Variants in HIP1 observed in about 807,000 individuals in gnomAD.
The protein encoded by HIP1 is huntingtin interacting protein 1.
HIP1 carries 65 observed loss-of-function variants against 147.6 expected under a neutral mutation model. That is an observed-to-expected ratio of 0.44 (90% CI 0.36 to 0.54). The LOEUF (loss-of-function observed/expected upper bound fraction) is 0.54, where lower values mean the gene tolerates loss of function less well. Ranked by LOEUF, HIP1 falls within the 20% of genes least tolerant of loss-of-function variation. The pLI is 0.00. For synonymous variants in HIP1, 479 were observed against 504.0 expected (o/e 0.95, Z 0.67); for missense variants, 1,061 against 1,299.6 (o/e 0.82, Z 2.82).
intron 1 of HIP1, among the ~76,000 whole-genome samples, chr7:75,673,350 C>G (rs2705829): frequency 0.56 from 85,247 of 151,164 alleles, 24,456 homozygotes; most frequent in African/African-American, 0.66. Flanking sequence ...GACTGTTTTG[C>G]TTATTTGGGA....
chr7:75,555,913 A>G (rs587700144), intron 18 of HIP1, 113 bp downstream of exon 18: 1 of 1,314,692 alleles, frequency 7.6e-7, no homozygotes, highest in African/African-American at 1.5e-5. Context: ...CAATCAGGCC[A>G]AGGCCCCAAA....
chr7:75,599,196 T>C lies in HIP1; in HGVS notation c.172A>G (p.Lys58Glu). 1 of 1,613,070 alleles carries C rather than the reference T, an allele frequency of 6.2e-7. No homozygotes were observed. The highest frequency in any genetic ancestry group is 1.1e-5 in the South Asian group (1 of 91,062). ...TCCAAAAGGATATTTCTGGCGTGTT[T>C]TTCCTTTACAGCCACTTCCTGCGTA... ...INTQEVAVKE[K>E]HARTCILGTH... Residue 58 changes from lysine (K) to glutamate (E), a missense_variant, in exon 2 of 31, where the codon AAA (lysine) becomes GAA (glutamate). Lys to Glu is a moderately conservative substitution (Grantham distance 56). Coordinates refer to ENST00000336926, the MANE Select transcript of HIP1 (RefSeq NM_005338.7).
At chr7:75,560,942 T>C (rs1022854406) in intron 13 of HIP1, among the ~76,000 whole-genome samples, 1 of 142,434 alleles carries the variant, frequency 7.0e-6, no homozygotes, top group Non-Finnish European at 1.5e-5. Context: ...AAAAACTGTC[T>C]AGGTGATGCA....
chr7:75,702,375 T>A (rs1395479620), intron 1 of HIP1, among the ~76,000 whole-genome samples: 1 of 152,144 alleles, frequency 6.6e-6, no homozygotes, highest in African/African-American at 2.4e-5. Context: ...CCCAAATTGC[T>A]GGGATTACAG....
chr7:75,553,461 T>A lies in HIP1; in HGVS notation c.2287A>T (p.Ile763Phe). 2 of 1,614,070 alleles carry A rather than the reference T, an allele frequency of 1.2e-6. No homozygotes were observed. Among genetic ancestry groups the A allele is most frequent in the Non-Finnish European group, 1.7e-6 (2 of 1,180,000 alleles). ...GATACTACTCCAAGTACCTCGCCGA[T>A]GGCCTTGATCTTGCTCAGGCAGTTC... ...MRNCLSKIKA[I>F]GEELLPRGLD... The change falls in exon 22 of 31, where the codon ATC becomes TTC. Residue 763 changes from isoleucine (I) to phenylalanine (F), a missense_variant. By Grantham distance (21) the Ile-to-Phe change is conservative. Coordinates refer to ENST00000336926, the MANE Select transcript of HIP1 (RefSeq NM_005338.7).
intron 1 of HIP1, among the ~76,000 whole-genome samples, chr7:75,700,866 C>A (rs2240137): frequency 0.54 from 81,727 of 151,578 alleles, 22,581 homozygotes; most frequent in African/African-American, 0.64. Flanking sequence ...CCACCACACC[C>A]GGCTAATTTT....
At chr7:75,670,786 C>CTTTTTTTTTTTTTTTTTTTT (rs782710876) in intron 1 of HIP1, among the ~76,000 whole-genome samples, 2 of 122,850 alleles carry the variant, frequency 1.6e-5, no homozygotes, top group Non-Finnish European at 1.6e-5. Context: ...CTAATTAAAA[C>CTTTTTTTTTTTTTTTTTTTT]TTTTTTTTTT....
At chr7:75,595,249 T>TTCC (rs2116986957) in intron 2 of HIP1, among the ~76,000 whole-genome samples, 2 of 98,974 alleles carry the variant, frequency 2.0e-5, no homozygotes, top group African/African-American at 8.2e-5. Context: ...TCTTTCTTTC[T>TTCC]TTCTTCCTTC....
At chr7:75,634,351 C>T (rs1798348826) in intron 1 of HIP1, among the ~76,000 whole-genome samples, 1 of 152,162 alleles carries the variant, frequency 6.6e-6, no homozygotes, top group Non-Finnish European at 1.5e-5. Flanking sequence ...AAGTCTTCTC[C>T]CCTAGGAACC....
At chr7:75,693,383 C>T (rs907223621) in intron 1 of HIP1, among the ~76,000 whole-genome samples, 30 of 152,016 alleles carry the variant, frequency 2.0e-4, no homozygotes, top group African/African-American at 7.2e-4. Context: ...CCAGGAGGCA[C>T]CCCCCACGCC....
At chr7:75,574,011 G>A (rs587766723) in intron 7 of HIP1, 110 bp from the exon 8 acceptor site, 67 of 838,002 alleles carry the variant, frequency 8.0e-5, no homozygotes, top group African/African-American at 5.6e-4. Flanking sequence ...GATTCTGTGC[G>A]TGCTTTACCT....
intron 1 of HIP1, among the ~76,000 whole-genome samples, chr7:75,674,973 T>C (rs782727303): frequency 3.9e-5 from 6 of 152,010 alleles, no homozygotes; most frequent in Admixed American, 6.6e-5. Context: ...TGGACTACTA[T>C]TCATTTTTCA....
intron 1 of HIP1, among the ~76,000 whole-genome samples, chr7:75,680,977 C>T (rs1273776942): frequency 6.6e-6 from 1 of 152,080 alleles, no homozygotes; most frequent in Non-Finnish European, 1.5e-5. Context: ...GGGGTTTTAC[C>T]GTGTTAGCCA....
chr7:75,715,774 C>CAAAAAAAAAAAAAAAAAA (rs34769081), intron 1 of HIP1, among the ~76,000 whole-genome samples: 1 of 36,714 alleles, frequency 2.7e-5, no homozygotes, highest in African/African-American at 1.2e-4. Flanking sequence ...GATCCTGTCT[C>CAAAAAAAAAAAAAAAAAA]AAAAAAAAAA....
At chr7:75,664,510 G>GTGTA (rs1330872438) in intron 1 of HIP1, among the ~76,000 whole-genome samples, 3 of 149,370 alleles carry the variant, frequency 2.0e-5, no homozygotes, top group Admixed American at 6.7e-5. Flanking sequence ...ATATATGTAT[G>GTGTA]TGTATGTATA....
intron 9 of HIP1, among the ~76,000 whole-genome samples, chr7:75,566,346 G>A (rs1297103780): frequency 2.6e-5 from 4 of 151,470 alleles, no homozygotes; most frequent in Non-Finnish European, 5.9e-5. Context: ...TTATTGAGGC[G>A]GCAGTGCACA....
At chr7:75,639,590 T>TGTGTGTGTGCGC (rs533751823) in intron 1 of HIP1, among the ~76,000 whole-genome samples, 2 of 150,130 alleles carry the variant, frequency 1.3e-5, no homozygotes, top group African/African-American at 2.5e-5. Flanking sequence ...TGTGTGTGTG[T>TGTGTGTGTGCGC]GTGCGCCCGC....
intron 7 of HIP1, among the ~76,000 whole-genome samples, chr7:75,577,262 G>T (rs1795875375): frequency 6.8e-6 from 1 of 147,288 alleles, no homozygotes; most frequent in Non-Finnish European, 1.5e-5. Flanking sequence ...GACCAGGGAG[G>T]TCAAGGCTGC....
intron 1 of HIP1, among the ~76,000 whole-genome samples, chr7:75,653,543 A>C (rs1403109478): frequency 6.6e-6 from 1 of 151,868 alleles, no homozygotes; most frequent in Non-Finnish European, 1.5e-5. Flanking sequence ...AGTACCAGCT[A>C]ATCAGGAGGC....
Sources: allele counts gnomAD v4.1 joint callset (sites outside exome capture counted in the v4.1 genomes callset), GRCh38; gene constraint gnomAD v4.1.1; transcripts MANE v1.5; gene names NCBI Gene and HGNC (gene_info 2026-07-23, HGNC 2026-07-21).